KNL1: variants seen among roughly 807,000 people sequenced by gnomAD.
The protein encoded by KNL1 is kinetochore scaffold 1.
A neutral mutation model predicts 201.3 loss-of-function variants in KNL1; 66 were observed. The observed-to-expected ratio is 0.33, with a 90% CI of 0.27 to 0.40. KNL1 has a LOEUF of 0.40. Among genes scored for constraint, KNL1 ranks in the 10% least tolerant of loss-of-function variants. The pLI is 1.00. For synonymous variants in KNL1, 895 were observed against 899.2 expected (o/e 1.00, Z 0.08); for missense variants, 2,815 against 2,690.5 (o/e 1.05, Z -1.02).
intron 13 of KNL1, among the ~76,000 whole-genome samples, chr15:40,631,459 AAAATT>A (rs1892909988): frequency 6.6e-6 from 1 of 152,104 alleles, no homozygotes; most frequent in African/African-American, 2.4e-5. Context: ...CGTGGAGTCT[AAAATT>A]AAAGAAATTT....
intron 1 of KNL1, among the ~76,000 whole-genome samples, chr15:40,599,213 G>C (rs1425325559): frequency 2.0e-5 from 3 of 150,912 alleles, no homozygotes; most frequent in African/African-American, 7.3e-5. Flanking sequence ...AGCTACTAGG[G>C]AGGCTACTTG....
intron 1 of KNL1, among the ~76,000 whole-genome samples, chr15:40,598,549 A>C (rs922318950): frequency 5.9e-5 from 9 of 152,116 alleles, no homozygotes; most frequent in Non-Finnish European, 8.8e-5. Flanking sequence ...AGCCTGGACA[A>C]CAGAGCAAGA....
At chr15:40,634,088 G>T (rs1012976247) in intron 13 of KNL1, among the ~76,000 whole-genome samples, 14 of 150,482 alleles carry the variant, frequency 9.3e-5, no homozygotes, top group African/African-American at 3.0e-4. Context: ...TTAGGTTTTT[G>T]TTGTTGTTGT....
At position 40,615,323 on chromosome 15, in the gene KNL1, A is replaced by C. The variant is rs1309923719; in HGVS notation, c.285-18A>C. The C allele has an allele frequency of 1.5e-6, 1 of 658,256 alleles. No homozygotes were observed. Among genetic ancestry groups the C allele is most frequent in the South Asian group, 1.7e-5 (1 of 59,358 alleles). The allele number at this position is 658,256 out of a possible 1,614,324, so 40.8% of individuals were successfully genotyped here. On this transcript the variant is annotated intron_variant, in intron 7 of 25. Transcript: ENST00000399668. The stretch of plus-strand genomic sequence containing the variant: ...ATTGTTTGGGGTATAGATTATAAAA[A>C]TACTTTTTAATTTTTAGGAATAAGA...
intron 16 of KNL1, among the ~76,000 whole-genome samples, chr15:40,646,332 A>AATAT (rs1306912826): frequency 6.6e-6 from 1 of 152,110 alleles, no homozygotes; most frequent in African/African-American, 2.4e-5. Context: ...AATAAATATT[A>AATAT]ATATATTGTA....
chr15:40,663,349 A>G lies in KNL1; in HGVS notation c.*1161A>G, dbSNP rs1893966744. The G allele has an allele frequency of 5.7e-6, 1 of 176,542 alleles. No individual in the cohort carries two copies. The highest frequency in any genetic ancestry group is 1.2e-5 in the Non-Finnish European group (1 of 82,108). 10.9% of individuals were successfully genotyped at this position (176,542 alleles called of 1,614,324 possible). A position where few individuals can be genotyped will look rare whatever the true frequency, so the allele number is the denominator to read the frequency against. On this transcript the variant is annotated 3_prime_UTR_variant, in exon 26 of 26. Transcript: ENST00000399668. ...TGGGATTACAGGTGTGAGCCACCAC[A>G]CCCAGCAATGTTTTCTTAATAAGTA...
intron 9 of KNL1, among the ~76,000 whole-genome samples, chr15:40,619,890 C>A (rs529367215): frequency 4.3e-4 from 66 of 152,144 alleles, no homozygotes; most frequent in Non-Finnish European, 7.1e-4. Context: ...TTTAATTTGT[C>A]CCAAAACACT....
At chr15:40,615,017 G>T (rs369809624) in intron 7 of KNL1, among the ~76,000 whole-genome samples, 1 of 151,942 alleles carries the variant, frequency 6.6e-6, no homozygotes, top group Non-Finnish European at 1.5e-5. Flanking sequence ...CCCACTTCAC[G>T]CTCCCAAAGT....
intron 9 of KNL1, among the ~76,000 whole-genome samples, chr15:40,619,678 A>G (rs921380143): frequency 2.0e-5 from 3 of 152,188 alleles, no homozygotes; most frequent in Admixed American, 2.0e-4. Context: ...TGCTGGGATT[A>G]CAAGTGTGAG....
intron 25 of KNL1, among the ~76,000 whole-genome samples, 199 bp downstream of exon 25, chr15:40,659,660 T>C (rs901270706): frequency 1.3e-5 from 2 of 151,306 alleles, no homozygotes; most frequent in African/African-American, 4.9e-5. Context: ...ACCCGGCTAA[T>C]TTTTTGTATT....
At chr15:40,620,617 C>G in intron 9 of KNL1, 23 bp from the exon 10 acceptor site, 1 of 1,476,282 alleles carries the variant, frequency 6.8e-7, no homozygotes, top group Non-Finnish European at 9.1e-7. Context: ...GTTCTGATCT[C>G]TTATATTTTG....
rs1447571658 is a variant in KNL1, at chr15:40,629,269, T to C, written c.5584-4T>C. The C allele has an allele frequency of 1.3e-6, 2 of 1,563,862 alleles. No homozygotes were observed. The highest frequency in any genetic ancestry group is 4.4e-5 in the Admixed American group (2 of 45,306). On this transcript the variant is annotated splice_polypyrimidine_tract_variant and splice_region_variant and intron_variant, in intron 12 of 25. Coordinates refer to ENST00000399668, the MANE Select transcript of KNL1 (RefSeq NM_144508.5). ...GTCATGCAAACTTTTTTTTCTTTTC[T>C]CAGAAACTCCAAGATGGGAGAATAA...
chr15:40,651,180 G>A (rs1344567131), intron 19 of KNL1, among the ~76,000 whole-genome samples: 1 of 148,742 alleles, frequency 6.7e-6, no homozygotes, highest in African/African-American at 2.5e-5. Context: ...TAAAAATGTA[G>A]TATTTAAAAG....
chr15:40,634,262 A>T (rs1259762364), intron 13 of KNL1, among the ~76,000 whole-genome samples: 3 of 152,146 alleles, frequency 2.0e-5, no homozygotes, highest in African/African-American at 7.2e-5. Flanking sequence ...ACATGCCACC[A>T]CACCTGGCCA....
intron 19 of KNL1, 62 bp downstream of exon 19, chr15:40,650,645 C>T: frequency 7.0e-7 from 1 of 1,419,010 alleles, no homozygotes; most frequent in Non-Finnish European, 9.4e-7. Context: ...TAGATGACTT[C>T]CTGCCTCCAG....
intron 10 of KNL1, among the ~76,000 whole-genome samples, chr15:40,627,513 CAAAA>C (rs543656517): frequency 1.5e-5 from 1 of 68,812 alleles, no homozygotes; most frequent in African/African-American, 5.3e-5. Context: ...GACTCCGCCT[CAAAA>C]AAAAAAAAAA....
intron 14 of KNL1, among the ~76,000 whole-genome samples, chr15:40,641,750 A>G (rs1250575661): frequency 2.0e-5 from 3 of 152,246 alleles, no homozygotes; most frequent in Non-Finnish European, 4.4e-5. Context: ...GGTCCCAAGC[A>G]TTTCAGATAA....
chr15:40,647,858 T>C (rs1893441337), intron 17 of KNL1, among the ~76,000 whole-genome samples: 2 of 152,240 alleles, frequency 1.3e-5, no homozygotes, highest in Non-Finnish European at 2.9e-5. Context: ...CCAGTTGTTT[T>C]CTCCTGGCTG....
At chr15:40,642,697 G>A (rs1314437507) in intron 14 of KNL1, among the ~76,000 whole-genome samples, 1 of 152,016 alleles carries the variant, frequency 6.6e-6, no homozygotes, top group Non-Finnish European at 1.5e-5. Context: ...GCGCCATCTC[G>A]GCTCACTGCA....
Sources: gnomAD v4.1 joint callset for allele counts (sites outside exome capture counted in the v4.1 genomes callset) on GRCh38, gnomAD v4.1.1 for gene constraint, MANE v1.5 for transcripts, NCBI Gene and HGNC (gene_info 2026-07-23, HGNC 2026-07-21) for gene names.